AGPAT2: variants seen among roughly 807,000 people sequenced by gnomAD.
AGPAT2 encodes the protein 1-acylglycerol-3-phosphate O-acyltransferase 2, also known as 1-acyl-sn-glycerol-3-phosphate acyltransferase beta.
AGPAT2 carries 18 observed loss-of-function variants against 26.1 expected under a neutral mutation model. The ratio of observed to expected loss-of-function variants is 0.69; its 90% CI spans 0.48 to 1.02. The LOEUF is 1.02. Among genes scored for constraint, AGPAT2 ranks in the 50% least tolerant of loss-of-function variants. AGPAT2 has a pLI of 0.00. For synonymous variants in AGPAT2, 200 were observed against 174.2 expected (o/e 1.15, Z -1.16); for missense variants, 415 against 394.9 (o/e 1.05, Z -0.43).
chr9:136,682,778 A>T (rs1259852745), intron 1 of AGPAT2, among the ~76,000 whole-genome samples: 1 of 152,150 alleles, frequency 6.6e-6, no homozygotes, highest in Non-Finnish European at 1.5e-5. Context: ...CCTCGAGCGA[A>T]GCCCCGTAAG....
intron 2 of AGPAT2, 49 bp from the exon 3 acceptor site, chr9:136,677,185 G>A (rs766442049): frequency 1.2e-5 from 19 of 1,599,424 alleles, no homozygotes; most frequent in South Asian, 6.6e-5. Context: ...GACAGCGTGC[G>A]CTGGAAGACA....
At chr9:136,678,174 C>T (rs372719072) in intron 1 of AGPAT2, among the ~76,000 whole-genome samples, 4 of 152,304 alleles carry the variant, frequency 2.6e-5, no homozygotes, top group African/African-American at 9.6e-5. Context: ...CGGCGAGGGG[C>T]TCGGGGCTTG....
Position 136,677,497 on chromosome 9 carries a change from C to G in AGPAT2, c.242G>C (p.Arg81Pro). The G allele has an allele frequency of 6.2e-7, 1 of 1,613,068 alleles. No homozygotes were observed. Reference protein sequence around the residue: ...KYFYGLRFEVRDPRRLQEARP... With the variant: ...KYFYGLRFEVPDPRRLQEARP... ...GGCCTCCTGCAGCCTGCGCGGGTCC[C>G]GCACCTCGAAGCGGAGCCCGTAAAA... The change falls in exon 2 of 6, where the codon CGG becomes CCG. Residue 81 changes from arginine (R) to proline (P), a missense_variant. Arg to Pro is a moderately radical substitution (Grantham distance 103). Coordinates refer to ENST00000371696, the MANE Select transcript of AGPAT2 (RefSeq NM_006412.4).
chr9:136,686,358 G>C (rs1165444583), intron 1 of AGPAT2, among the ~76,000 whole-genome samples: 2 of 152,238 alleles, frequency 1.3e-5, no homozygotes, highest in East Asian at 3.9e-4. Context: ...GGCTAACAGG[G>C]AGAGGGGGCA....
intron 1 of AGPAT2, 42 bp downstream of exon 1, chr9:136,687,134 C>A (rs1238263888): frequency 6.4e-7 from 1 of 1,551,746 alleles, no homozygotes; most frequent in Non-Finnish European, 8.7e-7. Flanking sequence ...GCGGAAGCGG[C>A]GCGGCGGTTC....
intron 1 of AGPAT2, among the ~76,000 whole-genome samples, chr9:136,682,515 G>A (rs986509907): frequency 1.3e-5 from 2 of 152,234 alleles, no homozygotes; most frequent in South Asian, 2.1e-4. Flanking sequence ...CCTCCCCGGG[G>A]AGCAGGGGCA....
In AGPAT2 at chr9:136,677,151, GAC is replaced by G; in HGVS notation, c.317-17_317-16del. 1 of 1,612,238 alleles carries G rather than the reference GAC, an allele frequency of 6.2e-7. No homozygotes were observed. Among genetic ancestry groups the G allele is most frequent in the East Asian group, 2.2e-5 (1 of 44,868 alleles). On this transcript the variant is annotated splice_polypyrimidine_tract_variant and intron_variant, in intron 2 of 5. Coordinates refer to ENST00000371696, the MANE Select transcript of AGPAT2 (RefSeq NM_006412.4). ...CTCCATGAGGCCTGGGAGACAGAGA[GAC>G]AGAGACAGAGAGAGAGGGGGAGACA...
chr9:136,681,052 C>T (rs971082195), intron 1 of AGPAT2, among the ~76,000 whole-genome samples: 4 of 151,932 alleles, frequency 2.6e-5, no homozygotes, highest in Non-Finnish European at 5.9e-5. Flanking sequence ...TGGCACTCGG[C>T]GCATTCACTG....
chr9:136,685,204 CACT>C (rs991730989), intron 1 of AGPAT2, among the ~76,000 whole-genome samples: 39 of 152,352 alleles, frequency 2.6e-4, no homozygotes, highest in African/African-American at 8.4e-4. Flanking sequence ...TCCCGGAAGC[CACT>C]ACTCCACAGG....
chr9:136,675,520 G>C (rs1252600264), intron 4 of AGPAT2, among the ~76,000 whole-genome samples: 1 of 145,250 alleles, frequency 6.9e-6, no homozygotes, highest in East Asian at 2.1e-4. Context: ...GGAGCAGGGA[G>C]GGAGGGGGCC....
intron 1 of AGPAT2, among the ~76,000 whole-genome samples, chr9:136,684,493 CCTCACACG>C (rs1382869046): frequency 6.6e-6 from 1 of 152,202 alleles, no homozygotes; most frequent in Non-Finnish European, 1.5e-5. Flanking sequence ...CATCACTGTC[CCTCACACG>C]CTCAGAACTA....
chr9:136,683,348 C>T (rs999188359), intron 1 of AGPAT2, among the ~76,000 whole-genome samples: 3 of 152,244 alleles, frequency 2.0e-5, no homozygotes, highest in Non-Finnish European at 4.4e-5. Flanking sequence ...GGCCACTGGC[C>T]AGGCTGTCCT....
At chr9:136,684,500 C>T (rs760208694) in intron 1 of AGPAT2, among the ~76,000 whole-genome samples, 3 of 152,194 alleles carry the variant, frequency 2.0e-5, no homozygotes, top group African/African-American at 4.8e-5. Context: ...GTCCCTCACA[C>T]GCTCAGAACT....
In AGPAT2 at chr9:136,676,580, C is replaced by A. The variant is rs1343619850; in HGVS notation, c.588+5G>T. On this transcript the variant is annotated splice_donor_5th_base_variant and intron_variant, in intron 4 of 5. Coordinates refer to ENST00000371696, the MANE Select transcript of AGPAT2 (RefSeq NM_006412.4). The stretch of plus-strand genomic sequence containing the variant: ...CCCACCCAGGGAGGGCTGGGCTCAG[C>A]CTACCTGTGCCTGGACTGCCAGGTA... 2 of 1,611,898 alleles carry A rather than the reference C, an allele frequency of 1.2e-6. No homozygotes were observed. The highest frequency in any genetic ancestry group is 1.1e-5 in the South Asian group (1 of 91,022).
rs114782902 is a variant in AGPAT2, at chr9:136,677,094, T to C, written c.359A>G (p.Lys120Arg). Residue 120 changes from lysine to arginine, a missense_variant, in exon 3 of 6, where the codon AAG (lysine) becomes AGG (arginine). By Grantham distance (26) the Lys-to-Arg change is conservative (BLOSUM62 2). Coordinates refer to ENST00000371696, the MANE Select transcript of AGPAT2 (RefSeq NM_006412.4). Reference sequence around the variant, plus strand: ...GGGCCCCAGGAAGAGCAGCTCCCGCTTGGCGATCTGCACGCAGCGCTCCGG... The same window carrying C: ...GGGCCCCAGGAAGAGCAGCTCCCGCCTGGCGATCTGCACGCAGCGCTCCGG... ...VLPERCVQIA[K>R]RELLFLGPVG... is the part of the protein sequence containing the mutation. The C allele has an allele frequency of 3.1e-4, 497 of 1,613,152 alleles. 1 individual carries two copies. In the African/African-American group the frequency reaches 6.1e-3, roughly 20 times the overall value.
At chr9:136,684,360 C>T (rs1203701233) in intron 1 of AGPAT2, among the ~76,000 whole-genome samples, 1 of 152,228 alleles carries the variant, frequency 6.6e-6, no homozygotes, top group East Asian at 1.9e-4. Context: ...GAAACGTCCC[C>T]TGCAGCTCCA....
At chr9:136,677,668 CG>C (rs1846111613) in intron 1 of AGPAT2, 112 bp from the exon 2 acceptor site, 12 of 1,348,628 alleles carry the variant, frequency 8.9e-6, no homozygotes, top group Non-Finnish European at 1.2e-5. Flanking sequence ...CCTCCTGGCA[CG>C]GGGCAGGAGA....
intron 5 of AGPAT2, 113 bp from the exon 6 acceptor site, chr9:136,674,040 G>C (rs1459311307): frequency 1.8e-6 from 2 of 1,085,320 alleles, no homozygotes; most frequent in Non-Finnish European, 2.5e-6. Flanking sequence ...TGGGAAGCCC[G>C]AGGCCGGGCT....
Position 136,676,945 on chromosome 9 carries a change from G to C in AGPAT2, c.492+16C>G, listed in dbSNP as rs17848855. Reference sequence around the variant, plus strand: ...GCCCCACCCCAACCCCACCGAGCCCGGCCCTGCACACTCACGTTCTCCCTG... The same window carrying C: ...GCCCCACCCCAACCCCACCGAGCCCCGCCCTGCACACTCACGTTCTCCCTG... On this transcript the variant is annotated intron_variant, in intron 3 of 5. Transcript: ENST00000371696. The C allele has an allele frequency of 2.0e-5, 14 of 705,494 alleles. No homozygotes were observed. The highest frequency in any genetic ancestry group is 1.4e-4 in the South Asian group (10 of 73,960). The allele number at this position is 705,494 out of a possible 1,614,324, so 43.7% of individuals were successfully genotyped here.
Sources: gnomAD v4.1 joint callset for allele counts (sites outside exome capture counted in the v4.1 genomes callset) on GRCh38, gnomAD v4.1.1 for gene constraint, MANE v1.5 for transcripts, NCBI Gene and HGNC (gene_info 2026-07-23, HGNC 2026-07-21) for gene names.